Variants in TEX11 observed in about 807,000 individuals in gnomAD.
TEX11 encodes testis-expressed protein 11.
In TEX11, 7 loss-of-function variants were observed where a neutral mutation model predicts 84.4. That is an observed-to-expected ratio of 0.08 (90% confidence interval 0.05 to 0.16). TEX11 has a LOEUF of 0.16. Among genes scored for constraint, TEX11 ranks in the 10% least tolerant of loss-of-function variants. TEX11 has a pLI of 1.00. For missense variants in TEX11, 551 were observed against 660.5 expected (o/e 0.83, Z 1.82); for synonymous variants, 264 against 222.8 (o/e 1.18, Z -1.64).
chrX:70,579,519 C>CA lies in TEX11; in HGVS notation c.2140+12231dup, dbSNP rs763815527. ...CTCAAAAACAAAAAAACAAAAAAAA[C>CA]AAAAAAAAAAAAAAACAAAAAAGAA... is the stretch of plus-strand genomic sequence containing the variant. On this transcript the variant is annotated intron_variant, in intron 25 of 29. Transcript: ENST00000374333. 6.9e-3 allele frequency among the ~76,000 whole-genome samples: 62 copies of CA among 9,032 alleles called. 2 individuals are homozygous for CA. The highest frequency in any genetic ancestry group is 0.051 in the Admixed American group (30 of 593). The allele number at this position is 9,032 out of a possible 115,157, so 7.8% of individuals were successfully genotyped here.
intron 25 of TEX11, among the ~76,000 whole-genome samples, chrX:70,557,480 A>G (rs5936919): frequency 0.43 from 46,644 of 108,883 alleles, 8,372 homozygotes; most frequent in East Asian, 0.6. Flanking sequence ...AAAAAAAAAA[A>G]AAGAAAAAGA....
At chrX:70,611,063 C>T (rs901735477) in intron 20 of TEX11, among the ~76,000 whole-genome samples, 1 of 112,080 alleles carries the variant, frequency 8.9e-6, no homozygotes, top group Non-Finnish European at 1.9e-5. Flanking sequence ...TAAAAAATAA[C>T]TTATCTTGTA....
intron 9 of TEX11, among the ~76,000 whole-genome samples, chrX:70,795,890 A>G (rs1311212883): frequency 9.0e-6 from 1 of 111,369 alleles, no homozygotes; most frequent in Non-Finnish European, 1.9e-5. Context: ...ATGGATACAA[A>G]TAAGCCCAGA....
rs1381070216 is a variant in TEX11 at position 70,541,171 on chromosome X, G to GC, written c.2520+10954dup. ...ACTGCACTCTAGCCTGGGTGACAGA[G>GC]CAAGACCCTGTCTCAAAAAAAGCCA... is the stretch of plus-strand genomic sequence containing the variant. On this transcript the variant is annotated intron_variant, in intron 28 of 29. Transcript: ENST00000374333. Among the ~76,000 whole-genome samples the GC allele has an allele frequency of 4.5e-5, 5 of 111,616 alleles. No individual in the cohort carries two copies. In the Admixed American group the frequency reaches 4.8e-4, roughly 11 times the overall value.
chrX:70,623,958 A>G lies in TEX11; in HGVS notation c.1743T>C (p.Ser581=). 1 of 1,204,388 alleles carries G rather than the reference A, an allele frequency of 8.3e-7. No homozygotes were observed. The part of the protein sequence containing the change: ...LLPKIAEMPE[S]EDKKKEMDRL... ...TTGTTGAAATAACTCACTTATCTTC[A>G]GATTCCGGCATTTCAGCAATTTTTG... The change falls in exon 20 of 30, where the codon TCT becomes TCC. Residue 581 remains serine (S), a synonymous_variant. Coordinates refer to ENST00000374333, the MANE Select transcript of TEX11 (RefSeq NM_031276.3).
chrX:70,608,873 AG>A (rs1421338434), intron 22 of TEX11, among the ~76,000 whole-genome samples: 1 of 111,997 alleles, frequency 8.9e-6, no homozygotes, highest in East Asian at 2.8e-4. Flanking sequence ...ATGTCCATTG[AG>A]TATCTACTAT....
chrX:70,697,749 A>G (rs73542937), intron 13 of TEX11, among the ~76,000 whole-genome samples: 7,771 of 111,597 alleles, frequency 0.07, 570 homozygotes, highest in African/African-American at 0.21. Context: ...AATGCTTATC[A>G]TATGCCAGGA....
intron 8 of TEX11, among the ~76,000 whole-genome samples, chrX:70,818,064 G>A (rs904181355): frequency 9.0e-6 from 1 of 111,143 alleles, no homozygotes; most frequent in South Asian, 3.8e-4. Context: ...CGAGGTGGGC[G>A]GATCACTTAA....
At chrX:70,516,843 TG>T in the TEX11 span, among the ~76,000 whole-genome samples, 2 of 111,158 alleles carry the variant, frequency 1.8e-5, no homozygotes, top group Non-Finnish European at 3.8e-5. Context: ...TCACATCCCT[TG>T]TAAGTTGGAT....
At position 70,886,150 on chromosome X, in the gene TEX11, C is replaced by CTGTA. The variant is rs201036631; in HGVS notation, c.38-6045_38-6042dup. 3.0e-4 allele frequency among the ~76,000 whole-genome samples: 34 copies of CTGTA among 111,727 alleles called. No homozygotes were observed. In the East Asian group the frequency reaches 9.0e-3, roughly 29 times the overall value. On this transcript the variant is annotated intron_variant, in intron 2 of 29. Transcript: ENST00000374333. The stretch of plus-strand genomic sequence containing the variant: ...AGAGATATTAGCACTCCCATGTTCA[C>CTGTA]TGTAGCACTATTCACAATAGCCAAG...
chrX:70,820,192 C>G (rs2091311329), intron 8 of TEX11, among the ~76,000 whole-genome samples: 1 of 111,942 alleles, frequency 8.9e-6, no homozygotes, highest in Non-Finnish European at 1.9e-5. Context: ...GTAATCAAAA[C>G]AGTATGGTAC....
chrX:70,664,003 T>C (rs895748971), intron 16 of TEX11, among the ~76,000 whole-genome samples: 1 of 112,135 alleles, frequency 8.9e-6, no homozygotes, highest in Non-Finnish European at 1.9e-5. Context: ...AAATGTTCTG[T>C]AAATAGTAGT....
At chrX:70,766,612 A>C (rs1469466857) in intron 9 of TEX11, among the ~76,000 whole-genome samples, 1 of 111,070 alleles carries the variant, frequency 9.0e-6, no homozygotes, top group African/African-American at 3.3e-5. Flanking sequence ...TCTTCATAGA[A>C]ATAGAAAAAA....
At chrX:70,862,154 G>A (rs1024215873) in intron 4 of TEX11, among the ~76,000 whole-genome samples, 1 of 111,100 alleles carries the variant, frequency 9.0e-6, no homozygotes, top group East Asian at 2.8e-4. Context: ...ACCACACCTG[G>A]CCTAAACATA....
At chrX:70,555,908 A>G (rs965614710) in intron 25 of TEX11, among the ~76,000 whole-genome samples, 1 of 112,085 alleles carries the variant, frequency 8.9e-6, no homozygotes, top group Non-Finnish European at 1.9e-5. Context: ...AAAATTCTAA[A>G]TTCATGGACA....
intron 24 of TEX11, among the ~76,000 whole-genome samples, chrX:70,596,886 A>G (rs1160691689): frequency 9.0e-6 from 1 of 111,512 alleles, no homozygotes; most frequent in Non-Finnish European, 1.9e-5. Context: ...GACCAAGAAC[A>G]AAAAGAGAGA....
At chrX:70,871,944 C>A (rs1333440466) in intron 4 of TEX11, among the ~76,000 whole-genome samples, 2 of 104,959 alleles carry the variant, frequency 1.9e-5, no homozygotes, top group East Asian at 3.0e-4. Flanking sequence ...CTGGCCCTAA[C>A]CCCATCAACA....
intron 8 of TEX11, among the ~76,000 whole-genome samples, chrX:70,814,577 G>A (rs955641620): frequency 4.4e-5 from 5 of 112,635 alleles, no homozygotes; most frequent in African/African-American, 1.6e-4. Context: ...ATATTTACAC[G>A]TTATCTTTCA....
intron 13 of TEX11, among the ~76,000 whole-genome samples, chrX:70,700,408 G>A (rs1030542475): frequency 6.3e-5 from 7 of 111,570 alleles, no homozygotes; most frequent in African/African-American, 1.9e-4. Flanking sequence ...AGTAATTCTC[G>A]CAATATTTCA....
Sources: allele counts gnomAD v4.1 joint callset (sites outside exome capture counted in the v4.1 genomes callset), GRCh38; gene constraint gnomAD v4.1.1; transcripts MANE v1.5; gene names NCBI Gene and HGNC (gene_info 2026-07-23, HGNC 2026-07-21).